The following ZFR2 variants were observed in gnomAD, a reference collection of about 807,000 sequenced individuals.
ZFR2 encodes the protein zinc finger RNA-binding protein 2.
A neutral mutation model predicts 105.7 loss-of-function variants in ZFR2; 104 were observed. The ratio of observed to expected loss-of-function variants is 0.98; its 90% CI spans 0.84 to 1.16. The LOEUF (loss-of-function observed/expected upper bound fraction) is 1.16. Ranked by LOEUF, ZFR2 falls within the 50% of genes most tolerant of loss-of-function variation. ZFR2 has a pLI of 0.00. For synonymous variants in ZFR2, 634 were observed against 597.7 expected, an observed-to-expected ratio of 1.06 and a Z score of -0.89; for missense variants, 1,425 against 1,355.5, an observed-to-expected ratio of 1.05 and a Z score of -0.80.
At position 3,834,197 on chromosome 19, in the gene ZFR2, G is replaced by A. The variant is rs1469218225; in HGVS notation, c.265-419C>T. 6.6e-6 allele frequency among the ~76,000 whole-genome samples: 1 copy of A among 152,202 alleles called. No individual in the cohort carries two copies. Among genetic ancestry groups the A allele is most frequent in the Non-Finnish European group, 1.5e-5 (1 of 68,046 alleles). ...GTTGACCGACACAATCTGGGGACGA[G>A]GTGCGGGTGGCAGAGCTGGGAAATT... On this transcript the variant is annotated intron_variant, in intron 2 of 18. Transcript: ENST00000262961. This position sits in a 1 kb window ranked among gnomAD's most constrained non-coding sequence, Gnocchi z 5.3.
At position 3,807,177 on chromosome 19, in the gene ZFR2, C is replaced by A. The variant is rs755729049; in HGVS notation, c.2638G>T (p.Ala880Ser). The A allele has an allele frequency of 5.2e-6, 8 of 1,553,052 alleles. No homozygotes were observed. Among genetic ancestry groups the A allele is most frequent in the South Asian group, 4.8e-5 (4 of 84,206 alleles). The stretch of plus-strand genomic sequence containing the variant: ...CCGTGACTTGACCCTCCTACCTGGG[C>A]GCTGGCGGTCACGTCTTCCCGCTCT... ...LQEREDVTASAQHALRMLAFR... is the reference protein window; with the variant it reads ...LQEREDVTASSQHALRMLAFR... Residue 880 changes from alanine to serine, a missense_variant, in exon 18 of 19, where the codon GCC (alanine) becomes TCC (serine). Physicochemically the swap from Ala to Ser is moderately conservative, Grantham distance 99. Transcript: ENST00000262961.
intron 9 of ZFR2, 119 bp downstream of exon 9, chr19:3,821,962 C>G: frequency 7.1e-7 from 1 of 1,400,852 alleles, no homozygotes; most frequent in Middle Eastern, 2.6e-4. Context: ...GAAAATCACC[C>G]CTCCCTCTTA....
At chr19:3,807,065 G>T in intron 18 of ZFR2, 107 bp downstream of exon 18, 1 of 824,998 alleles carries the variant, frequency 1.2e-6, no homozygotes, top group Non-Finnish European at 1.9e-6. Context: ...GTACATCTCA[G>T]TGGGAGGGAG....
At chr19:3,864,779 G>A (rs1038025724) in intron 1 of ZFR2, among the ~76,000 whole-genome samples, 4 of 151,014 alleles carry the variant, frequency 2.6e-5, no homozygotes, top group South Asian at 2.1e-4. Flanking sequence ...ACAGACTCCC[G>A]CTCTGTCACC....
chr19:3,831,036 T>C (rs2038008011), intron 5 of ZFR2, among the ~76,000 whole-genome samples: 1 of 150,298 alleles, frequency 6.7e-6, no homozygotes, highest in African/African-American at 2.5e-5. Context: ...CACACATACG[T>C]GCAAGCACAC....
chr19:3,824,892 G>A (rs1012263092), intron 7 of ZFR2, among the ~76,000 whole-genome samples: 5 of 152,270 alleles, frequency 3.3e-5, no homozygotes, highest in South Asian at 2.1e-4. Context: ...AGCTGAGATC[G>A]CACCACTGCA....
In ZFR2 at chr19:3,806,123, G is replaced by A. The variant is rs1380653125; in HGVS notation, c.2646C>T (p.His882=). The A allele has an allele frequency of 1.3e-5, 19 of 1,446,180 alleles. No homozygotes were observed. Among genetic ancestry groups the A allele is most frequent in the East Asian group, 5.4e-5 (2 of 37,242 alleles). The allele number at this position is 1,446,180 out of a possible 1,614,324, so 89.6% of individuals were successfully genotyped here. A position where few individuals can be genotyped will look rare whatever the true frequency, so the allele number is the denominator to read the frequency against. ...EREDVTASAQ[H]ALRMLAFRQT... is the part of the protein sequence containing the mutation. ...GCCGGAAGGCCAGCATTCGCAGGGC[G>A]TGCTGCGGGGCACACACAGCCTGTC... Residue 882 remains histidine (H), a splice_region_variant and synonymous_variant, in exon 19 of 19, where the codon CAC becomes CAT. Coordinates refer to ENST00000262961, the MANE Select transcript of ZFR2 (RefSeq NM_015174.2).
chr19:3,822,188 C>G lies in ZFR2; in HGVS notation c.1384G>C (p.Glu462Gln). Reference protein sequence around the residue: ...PEYVEEVFSDEGRVLRFHCKL... With the variant: ...PEYVEEVFSDQGRVLRFHCKL... ...CAGTGGAAGCGAAGCACTCGCCCTTCGTCGCTGAACACCTGAGACACAGAA... is the reference window on the plus strand; with the variant it reads ...CAGTGGAAGCGAAGCACTCGCCCTTGGTCGCTGAACACCTGAGACACAGAA... Residue 462 changes from glutamate to glutamine, a missense_variant, in exon 9 of 19, where the codon GAA (glutamate) becomes CAA (glutamine). Glu to Gln is a conservative substitution (Grantham distance 29). Coordinates refer to ENST00000262961, the MANE Select transcript of ZFR2 (RefSeq NM_015174.2). The G allele has an allele frequency of 6.3e-7, 1 of 1,595,276 alleles. No homozygotes were observed. The highest frequency in any genetic ancestry group is 2.3e-5 in the East Asian group (1 of 43,782).
chr19:3,855,477 G>T, intron 1 of ZFR2: 1 of 1,229,368 alleles, frequency 8.1e-7, no homozygotes, highest in South Asian at 4.1e-5. Context: ...CTTCCTGGGT[G>T]CTAGTGGGGA....
At chr19:3,835,796 A>G (rs1218367081) in intron 1 of ZFR2, among the ~76,000 whole-genome samples, 1 of 151,826 alleles carries the variant, frequency 6.6e-6, no homozygotes, top group Non-Finnish European at 1.5e-5. Context: ...ATTAAAAAAA[A>G]ACAAACAATT....
intron 1 of ZFR2, among the ~76,000 whole-genome samples, chr19:3,839,798 G>A (rs1325420798): frequency 2.0e-5 from 3 of 151,968 alleles, no homozygotes; most frequent in African/African-American, 7.3e-5. Context: ...TAGGGTTGGT[G>A]GCTGTCTTGT....
At chr19:3,856,799 C>T (rs942402895) in intron 1 of ZFR2, among the ~76,000 whole-genome samples, 2 of 152,108 alleles carry the variant, frequency 1.3e-5, no homozygotes, top group African/African-American at 2.4e-5. Context: ...GGCGCCATCT[C>T]GGCTCACTGC....
chr19:3,830,954 T>TACACACACGCACACAC (rs2038005990), intron 5 of ZFR2, among the ~76,000 whole-genome samples: 1 of 148,202 alleles, frequency 6.7e-6, no homozygotes, highest in South Asian at 2.2e-4. Flanking sequence ...TGCGCACACA[T>TACACACACGCACACAC]ACACACACGC....
Position 3,823,432 on chromosome 19 carries a change from CCT to C in ZFR2, c.1214-31_1214-30del. 6.4e-7 allele frequency: 1 copy of C among 1,563,634 alleles called. No homozygotes were observed. Reference sequence around the variant, plus strand: ...AGGGGAAAAACCATGTCACTTATACCCTGTTCCAGGAGAAAGCACTGCAGCTG... The same window carrying C: ...AGGGGAAAAACCATGTCACTTATACCGTTCCAGGAGAAAGCACTGCAGCTG... On this transcript the variant is annotated intron_variant, in intron 7 of 18. Transcript: ENST00000262961. This position sits in a 1 kb window ranked among gnomAD's most constrained non-coding sequence, Gnocchi z 5.4.
At chr19:3,853,025 C>A (rs1197373125) in intron 1 of ZFR2, among the ~76,000 whole-genome samples, 1 of 152,166 alleles carries the variant, frequency 6.6e-6, no homozygotes, top group Non-Finnish European at 1.5e-5. Context: ...ACCTGTAATC[C>A]CAGCACTTCG....
At chr19:3,821,775 G>A (rs967163408) in intron 9 of ZFR2, among the ~76,000 whole-genome samples, 5 of 151,752 alleles carry the variant, frequency 3.3e-5, no homozygotes, top group Non-Finnish European at 7.4e-5. Context: ...CACCACACCT[G>A]GCTAATTTTT....
intron 14 of ZFR2, among the ~76,000 whole-genome samples, chr19:3,812,958 G>A (rs1314656559): frequency 6.6e-6 from 1 of 152,136 alleles, no homozygotes; most frequent in Non-Finnish European, 1.5e-5. Flanking sequence ...GCGCACACCT[G>A]TAGTCCCAGC....
rs367644907 is a variant in ZFR2, at chr19:3,810,785, G to T, written c.2398C>A (p.Arg800=). Residue 800 remains arginine, a synonymous_variant, in exon 16 of 19, where the codon CGG becomes AGG. Coordinates refer to ENST00000262961, the MANE Select transcript of ZFR2 (RefSeq NM_015174.2). ...AGGGCCCCCCAGGTGGGCACACGCC[G>T]GCAGAGGTCCCTCAGGACCCTGATG... ...IVIRVLRDLC[R]RVPTWGALPA... 4 of 1,550,144 alleles carry T rather than the reference G, an allele frequency of 2.6e-6. No homozygotes were observed. The highest frequency in any genetic ancestry group is 1.7e-4 in the Middle Eastern group (1 of 5,972).
At chr19:3,808,812 C>T (rs768287129) in intron 17 of ZFR2, 60 bp downstream of exon 17, 48 of 1,389,544 alleles carry the variant, frequency 3.5e-5, no homozygotes, top group East Asian at 2.6e-4. Flanking sequence ...GCCATGGCCA[C>T]GGGCCCTGGT....
Sources: gnomAD v4.1 joint callset for allele counts (sites outside exome capture counted in the v4.1 genomes callset) on GRCh38, gnomAD v4.1.1 for gene constraint, Gnocchi (gnomAD v3.1) non-coding constraint, MANE v1.5 for transcripts, NCBI Gene and HGNC (gene_info 2026-07-23, HGNC 2026-07-21) for gene names.